ZNF827: variants seen among roughly 807,000 people sequenced by gnomAD.
ZNF827 encodes zinc finger protein 827.
ZNF827 carries 13 observed loss-of-function variants against 102.4 expected under a neutral mutation model. The ratio of observed to expected loss-of-function variants is 0.13; its 90% CI spans 0.08 to 0.20. The LOEUF (loss-of-function observed/expected upper bound fraction) is 0.20. ZNF827 is among the 10% of genes least tolerant of loss of function. The pLI is 1.00. For missense variants in ZNF827, 1,103 were observed against 1,344.4 expected (o/e 0.82, Z 2.81); for synonymous variants, 523 against 536.2 (o/e 0.98, Z 0.34).
rs776187527 is a variant in ZNF827, at chr4:145,885,824, G to C, written c.1601C>G (p.Thr534Ser). Residue 534 changes from threonine (T) to serine (S), a missense_variant, in exon 4 of 15, where the codon ACC becomes AGC. By Grantham distance (58) the Thr-to-Ser change is moderately conservative. Coordinates refer to ENST00000508784, the MANE Select transcript of ZNF827 (RefSeq NM_001306215.2). Reference protein sequence around the residue: ...EEPKEDNGLPTSFTLNAADRP... With the variant: ...EEPKEDNGLPSSFTLNAADRP... The stretch of plus-strand genomic sequence containing the variant: ...GTCGGCAGCATTCAAAGTAAAGGAG[G>C]TGGGCAGGCCGTTATCTTCCTTGGG... 3.1e-6 allele frequency: 5 copies of C among 1,614,026 alleles called. No individual in the cohort carries two copies. The East Asian group carries it at 1.1e-4, about 36-fold the overall frequency.
At chr4:145,786,260 T>C (rs1352906703) in intron 8 of ZNF827, among the ~76,000 whole-genome samples, 1 of 152,208 alleles carries the variant, frequency 6.6e-6, no homozygotes, top group Non-Finnish European at 1.5e-5. Context: ...TTTTACTGTG[T>C]GAAAAGATCC....
At chr4:145,803,594 A>G (rs1192266484) in intron 8 of ZNF827, among the ~76,000 whole-genome samples, 1 of 152,230 alleles carries the variant, frequency 6.6e-6, no homozygotes, top group Non-Finnish European at 1.5e-5. Flanking sequence ...GAGAACATCA[A>G]CCACACAATC....
chr4:145,814,769 CAAAAAAAAA>C (rs773438540), intron 8 of ZNF827, among the ~76,000 whole-genome samples: 2 of 74,364 alleles, frequency 2.7e-5, no homozygotes, highest in East Asian at 2.8e-4. Flanking sequence ...ACTAAAAATA[CAAAAAAAAA>C]AAAAAAAAAA....
intron 1 of ZNF827, among the ~76,000 whole-genome samples, chr4:145,936,239 C>T (rs762645323): frequency 1.3e-5 from 2 of 152,054 alleles, no homozygotes; most frequent in African/African-American, 4.8e-5. Context: ...GCACACTCTT[C>T]CACCAACTGC....
chr4:145,859,590 T>C (rs938358920), intron 5 of ZNF827, among the ~76,000 whole-genome samples: 1 of 152,190 alleles, frequency 6.6e-6, no homozygotes, highest in Non-Finnish European at 1.5e-5. Flanking sequence ...CTGATGTATT[T>C]TGGCTGTGTT....
chr4:145,876,232 T>C (rs141106378), intron 4 of ZNF827, among the ~76,000 whole-genome samples: 47 of 152,356 alleles, frequency 3.1e-4, no homozygotes, highest in African/African-American at 1.0e-3. Context: ...TCCACTGATA[T>C]TCTGCACTGG....
intron 5 of ZNF827, among the ~76,000 whole-genome samples, chr4:145,868,685 C>T (rs1280269109): frequency 6.6e-6 from 1 of 152,224 alleles, no homozygotes; most frequent in African/African-American, 2.4e-5. Context: ...GAACATCACT[C>T]TTGAAATCTC....
At chr4:145,781,195 C>CAAAAAAAAAAAAAAAAAAAAAG (rs1737949072) in intron 8 of ZNF827, among the ~76,000 whole-genome samples, 1 of 56,546 alleles carries the variant, frequency 1.8e-5, no homozygotes, top group Non-Finnish European at 2.8e-5. Context: ...GACACCATCT[C>CAAAAAAAAAAAAAAAAAAAAAG]AAAAAAAAAA....
intron 8 of ZNF827, among the ~76,000 whole-genome samples, chr4:145,801,760 T>C (rs1740928418): frequency 6.6e-6 from 1 of 152,248 alleles, no homozygotes. Flanking sequence ...CATTATGTTT[T>C]AATTGAGAGA....
chr4:145,774,467 T>C lies in ZNF827; in HGVS notation c.2860+39A>G, dbSNP rs772964750. On this transcript the variant is annotated intron_variant, in intron 11 of 14. Transcript: ENST00000508784. ...GGCAGGTGCTCTGGGGTGCAGGGGA[T>C]GGAGAAGGAGTGTGAGAAGGACAGA... The C allele has an allele frequency of 6.3e-6, 10 of 1,584,896 alleles. No homozygotes were observed. The East Asian group carries it at 2.0e-4, about 32-fold the overall frequency.
intron 8 of ZNF827, among the ~76,000 whole-genome samples, chr4:145,807,840 A>G (rs1741628088): frequency 6.6e-6 from 1 of 152,104 alleles, no homozygotes. Flanking sequence ...ATTACTATGA[A>G]AGGCATGGCA....
intron 1 of ZNF827, among the ~76,000 whole-genome samples, chr4:145,932,278 T>G (rs1239935457): frequency 6.6e-6 from 1 of 152,210 alleles, no homozygotes; most frequent in East Asian, 1.9e-4. Context: ...AAGATACCAA[T>G]TTGCTTATAA....
intron 8 of ZNF827, among the ~76,000 whole-genome samples, chr4:145,810,510 C>T (rs968432106): frequency 2.6e-5 from 4 of 152,310 alleles, no homozygotes; most frequent in African/African-American, 7.2e-5. Context: ...GAATGCCTCT[C>T]ACTACTGTCC....
chr4:145,796,436 G>A lies in ZNF827; in HGVS notation c.2384-16925C>T, dbSNP rs552407420. Among the ~76,000 whole-genome samples the A allele has an allele frequency of 7.2e-5, 11 of 152,200 alleles. No individual in the cohort carries two copies. In the East Asian group the frequency reaches 7.7e-4, roughly 11 times the overall value. On this transcript the variant is annotated intron_variant, in intron 8 of 14. Coordinates refer to ENST00000508784, the MANE Select transcript of ZNF827 (RefSeq NM_001306215.2). ...ATTGTTGGTGGGGAAGGGTGGAAGG[G>A]AGACCTTATCTGGTCACTTGCAAAT... is the stretch of plus-strand genomic sequence containing the variant.
chr4:145,798,273 T>C (rs183960353), intron 8 of ZNF827, among the ~76,000 whole-genome samples: 233 of 152,304 alleles, frequency 1.5e-3, no homozygotes, highest in African/African-American at 5.5e-3. Context: ...TAGTAAAAAG[T>C]ATGAAATGAC....
At chr4:145,909,658 C>A (rs1282464894) in intron 1 of ZNF827, among the ~76,000 whole-genome samples, 1 of 152,206 alleles carries the variant, frequency 6.6e-6, no homozygotes, top group African/African-American at 2.4e-5. Flanking sequence ...ATCAGGAAGA[C>A]AAAAGCAATG....
At chr4:145,770,339 T>C (rs1321990766) in intron 11 of ZNF827, among the ~76,000 whole-genome samples, 2 of 55,886 alleles carry the variant, frequency 3.6e-5, no homozygotes, top group Non-Finnish European at 1.3e-4. Flanking sequence ...AATAAATAAA[T>C]AAATAAATAA....
intron 2 of ZNF827, 54 bp from the exon 3 acceptor site, chr4:145,892,469 A>G: frequency 6.6e-7 from 1 of 1,524,390 alleles, no homozygotes; most frequent in Non-Finnish European, 8.8e-7. Flanking sequence ...GGTACACTGC[A>G]TCTGGCATTA....
chr4:145,839,302 G>A (rs1406219590), intron 7 of ZNF827: 1 of 152,296 alleles, frequency 6.6e-6, no homozygotes, highest in Non-Finnish European at 1.5e-5. Context: ...GGCCGCTGCA[G>A]TGGAGAGGCC....
Sources: gnomAD v4.1 joint callset for allele counts (sites outside exome capture counted in the v4.1 genomes callset) on GRCh38, gnomAD v4.1.1 for gene constraint, MANE v1.5 for transcripts, NCBI Gene and HGNC (gene_info 2026-07-23, HGNC 2026-07-21) for gene names.